Variants in SPATA31F3 observed in about 807,000 individuals in gnomAD.
SPATA31F3 encodes SPATA31 subfamily F member 3, also known as protein SPATA31F3.
the SPATA31F3 span, chr9:34,894,622 TCA>T: frequency 5.0e-5 from 20 of 397,394 alleles, no homozygotes; most frequent in Admixed American, 1.8e-4. Flanking sequence ...GAACACTAAG[TCA>T]CATCTGTGTA....
chr9:34,895,550 A>G, the SPATA31F3 span: 11 of 398,476 alleles, frequency 2.8e-5, no homozygotes, highest in African/African-American at 4.1e-5. Flanking sequence ...AGGCACATCA[A>G]TTTAGCCATG....
At chr9:34,893,475 C>G in the SPATA31F3 span, among the ~76,000 whole-genome samples, 1 of 151,968 alleles carries the variant, frequency 6.6e-6, no homozygotes, top group East Asian at 1.9e-4. Flanking sequence ...GTGGCGTATG[C>G]CTGTAGTCCC....
chr9:34,895,036 T>C, the SPATA31F3 span: 2 of 398,532 alleles, frequency 5.0e-6, no homozygotes, highest in Non-Finnish European at 8.8e-6. Context: ...ACTGGGACTT[T>C]ACCTCTTGAT....
the SPATA31F3 span, among the ~76,000 whole-genome samples, chr9:34,892,267 T>A: frequency 6.6e-6 from 1 of 152,144 alleles, no homozygotes; most frequent in African/African-American, 2.4e-5. Context: ...CCATAGTGGA[T>A]CCTTCAAAAA....
At chr9:34,890,270 AC>A in the SPATA31F3 span, among the ~76,000 whole-genome samples, 3 of 151,984 alleles carry the variant, frequency 2.0e-5, no homozygotes, top group Non-Finnish European at 4.4e-5. Context: ...CTGTCCAGAC[AC>A]CCCCTTCTCT....
At chr9:34,892,833 C>T in the SPATA31F3 span, 3 of 690,896 alleles carry the variant, frequency 4.3e-6, no homozygotes, top group Non-Finnish European at 5.3e-6. Flanking sequence ...ACGCTGTCTG[C>T]ACCAGCTGAC....
chr9:34,893,197 G>T, the SPATA31F3 span: 1 of 470,376 alleles, frequency 2.1e-6, no homozygotes. Context: ...AGTGACATCT[G>T]CCTTCTCGGA....
At chr9:34,890,316 C>T in the SPATA31F3 span, among the ~76,000 whole-genome samples, 1 of 152,192 alleles carries the variant, frequency 6.6e-6, no homozygotes, top group African/African-American at 2.4e-5. Flanking sequence ...CATCAAATGT[C>T]ACTGGGTCAA....
the SPATA31F3 span, among the ~76,000 whole-genome samples, chr9:34,890,220 G>C: frequency 3.9e-5 from 6 of 152,322 alleles, no homozygotes; most frequent in South Asian, 4.1e-4. Flanking sequence ...CTGAACCTTG[G>C]CAGAAAGGGT....
chr9:34,892,198 G>T, the SPATA31F3 span, among the ~76,000 whole-genome samples: 1 of 152,018 alleles, frequency 6.6e-6, no homozygotes, highest in African/African-American at 2.4e-5. Flanking sequence ...AGAGAGGAGA[G>T]GGTAGAGCTA....
chr9:34,895,674 T>C, the SPATA31F3 span: 2 of 404,138 alleles, frequency 4.9e-6, no homozygotes, highest in Non-Finnish European at 8.8e-6. Context: ...GATCCATAGG[T>C]GTATAAGGGA....
At chr9:34,891,215 G>T in the SPATA31F3 span, among the ~76,000 whole-genome samples, 1 of 152,174 alleles carries the variant, frequency 6.6e-6, no homozygotes, top group Non-Finnish European at 1.5e-5. Context: ...GTCCTTTCCT[G>T]ATCTGTGTAG....
chr9:34,892,123 G>A, the SPATA31F3 span, among the ~76,000 whole-genome samples: 2 of 152,232 alleles, frequency 1.3e-5, no homozygotes, highest in Non-Finnish European at 2.9e-5. Context: ...GGTAGCTACA[G>A]ATGTGGCACA....
chr9:34,893,138 G>A, the SPATA31F3 span: 1 of 706,404 alleles, frequency 1.4e-6, no homozygotes, highest in East Asian at 3.0e-5. Context: ...TCCTTCCTGA[G>A]GAAGCCAGCC....
At chr9:34,893,147 C>G in the SPATA31F3 span, 1 of 639,238 alleles carries the variant, frequency 1.6e-6, no homozygotes, top group Non-Finnish European at 2.4e-6. Flanking sequence ...AGGAAGCCAG[C>G]CCTGGCTGGG....
chr9:34,895,264 C>T, the SPATA31F3 span, among the ~76,000 whole-genome samples: 1 of 152,078 alleles, frequency 6.6e-6, no homozygotes, highest in African/African-American at 2.4e-5. Flanking sequence ...TTATTTCTGA[C>T]TCACTTTCAC....
At chr9:34,895,272 C>A in the SPATA31F3 span, among the ~76,000 whole-genome samples, 1 of 152,088 alleles carries the variant, frequency 6.6e-6, no homozygotes, top group South Asian at 2.1e-4. Flanking sequence ...GACTCACTTT[C>A]ACGCTCTTCC....
the SPATA31F3 span, chr9:34,892,844 C>T: frequency 8.1e-4 from 561 of 694,592 alleles, 3 homozygotes; most frequent in Admixed American, 1.8e-3. Context: ...ACCAGCTGAC[C>T]GGGCAGCTGA....
At chr9:34,895,681 G>A in the SPATA31F3 span, 1 of 404,620 alleles carries the variant, frequency 2.5e-6, no homozygotes, top group East Asian at 3.6e-5. Flanking sequence ...AGGTGTATAA[G>A]GGATATCCAA....
Sources: gnomAD v4.1 joint callset for allele counts (sites outside exome capture counted in the v4.1 genomes callset) on GRCh38, gnomAD v4.1.1 for gene constraint, MANE v1.5 for transcripts, NCBI Gene and HGNC (gene_info 2026-07-23, HGNC 2026-07-21) for gene names.